Variants in NSD1 observed in about 807,000 individuals in gnomAD.
NSD1 encodes the protein nuclear receptor binding SET domain protein 1, also known as histone-lysine N-methyltransferase, H3 lysine-36 specific.
In NSD1, 26 loss-of-function variants were observed where a neutral mutation model predicts 242.7. The ratio of observed to expected loss-of-function variants is 0.11; its 90% CI spans 0.08 to 0.15. The LOEUF (loss-of-function observed/expected upper bound fraction) is 0.15, where lower values mean the gene tolerates loss of function less well. Among genes scored for constraint, NSD1 ranks in the 10% least tolerant of loss-of-function variants. NSD1 has a pLI of 1.00. For missense variants in NSD1, 2,495 were observed against 3,272.8 expected (o/e 0.76, Z 5.80); for synonymous variants, 1,106 against 1,178.1 (o/e 0.94, Z 1.25).
At chr5:177,259,929 T>G in intron 13 of NSD1, 60 bp from the exon 14 acceptor site, 3 of 1,566,408 alleles carry the variant, frequency 1.9e-6, no homozygotes, top group African/African-American at 1.4e-5. Flanking sequence ...ATAACTCACA[T>G]TCTTTTTATA....
At chr5:177,252,157 C>T (rs1052067370) in intron 12 of NSD1, among the ~76,000 whole-genome samples, 1 of 151,968 alleles carries the variant, frequency 6.6e-6, no homozygotes, top group African/African-American at 2.4e-5. Context: ...AAATTGATGT[C>T]GGGAGGGGAA....
chr5:177,135,594 T>C lies in NSD1; in HGVS notation c.491T>C (p.Val164Ala). ...TTTACTTGTGTGGACGATGCAGATG[T>C]AGATTCTGAAATGGACCCAGAACAG... is the stretch of plus-strand genomic sequence containing the variant. ...ENFTCVDDAD[V>A]DSEMDPEQPV... Residue 164 changes from valine (V) to alanine (A), a missense_variant, in exon 2 of 23, where the codon GTA (valine) becomes GCA (alanine). Coordinates refer to ENST00000439151, the MANE Select transcript of NSD1 (RefSeq NM_022455.5). 1 of 1,614,212 alleles carries C rather than the reference T, an allele frequency of 6.2e-7. No individual in the cohort carries two copies. Among genetic ancestry groups the C allele is most frequent in the African/African-American group, 1.3e-5 (1 of 75,058 alleles).
At chr5:177,286,727 A>G (rs1463541012) in intron 20 of NSD1, among the ~76,000 whole-genome samples, 3 of 152,188 alleles carry the variant, frequency 2.0e-5, no homozygotes, top group Non-Finnish European at 2.9e-5. Flanking sequence ...TAGTTCTACT[A>G]TGTCTGCTGA....
chr5:177,279,961 ATATTTTATTTTATTTTATTT>A (rs571980602), intron 17 of NSD1, among the ~76,000 whole-genome samples: 2,629 of 140,054 alleles, frequency 0.019, 32 homozygotes, highest in Non-Finnish European at 0.028. Context: ...TTTAAAGTTC[ATATTTTATTTTATTTTATTT>A]TATTTTATTT....
intron 4 of NSD1, among the ~76,000 whole-genome samples, chr5:177,207,343 T>C (rs1762957201): frequency 6.6e-6 from 1 of 151,084 alleles, no homozygotes; most frequent in Non-Finnish European, 1.5e-5. Context: ...AGTGCAGTGG[T>C]GCGATGTCAG....
intron 2 of NSD1, among the ~76,000 whole-genome samples, chr5:177,182,627 T>A (rs929198981): frequency 2.5e-4 from 38 of 152,114 alleles, no homozygotes; most frequent in African/African-American, 7.0e-4. Context: ...CCCCGCTTTT[T>A]AAAATTTTTA....
intron 20 of NSD1, among the ~76,000 whole-genome samples, chr5:177,286,028 T>A (rs151330608): frequency 6.6e-6 from 1 of 152,272 alleles, no homozygotes; most frequent in Admixed American, 6.5e-5. Context: ...CCTAAGCAGC[T>A]GGGATTACAG....
At chr5:177,279,203 C>T (rs528231937) in intron 17 of NSD1, among the ~76,000 whole-genome samples, 1 of 152,266 alleles carries the variant, frequency 6.6e-6, no homozygotes, top group East Asian at 1.9e-4. Context: ...GTGCTTTTGC[C>T]AGGTGTGGTG....
Position 177,211,198 on chromosome 5 carries a change from G to A in NSD1, c.2799G>A (p.Leu933=). The change falls in exon 5 of 23, where the codon CTG becomes CTA. Residue 933 remains leucine (L), a synonymous_variant. Transcript: ENST00000439151. The part of the protein sequence containing the change: ...KEQRLMTAQN[L]VSYRSPGRGD... ...AGCGGTTGATGACTGCTCAAAACCT[G>A]GTCTCTTACCGGAGTCCTGGTCGTG... is the stretch of plus-strand genomic sequence containing the variant. 6.2e-7 allele frequency: 1 copy of A among 1,613,870 alleles called. No homozygotes were observed. Among genetic ancestry groups the A allele is most frequent in the Non-Finnish European group, 8.5e-7 (1 of 1,179,898 alleles).
At chr5:177,137,950 C>G (rs1419026919) in intron 2 of NSD1, among the ~76,000 whole-genome samples, 2 of 151,828 alleles carry the variant, frequency 1.3e-5, no homozygotes, top group African/African-American at 4.8e-5. Context: ...TGGTGGGCAA[C>G]TGTAATCCCA....
At chr5:177,265,395 G>C in intron 14 of NSD1, 1 of 600,968 alleles carries the variant, frequency 1.7e-6, no homozygotes, top group East Asian at 2.8e-5. Flanking sequence ...CATAAATGCA[G>C]CCATCTAAAA....
rs1384016069 is a variant in NSD1, at chr5:177,295,128, A to T, written c.7760A>T (p.Gln2587Leu). 1 of 1,613,370 alleles carries T rather than the reference A, an allele frequency of 6.2e-7. No homozygotes were observed. Among genetic ancestry groups the T allele is most frequent in the African/African-American group, 1.3e-5 (1 of 74,894 alleles). Residue 2587 changes from glutamine to leucine, a missense_variant, in exon 23 of 23, where the codon CAG (glutamine) becomes CTG (leucine). By Grantham distance (113) the Gln-to-Leu change is moderately radical. This residue lies in a region of NSD1 where 475 missense variants were observed against 563.7 expected (regional missense o/e 0.84). Transcript: ENST00000439151. The surrounding 1 kb of genome is among the most constrained non-coding windows in gnomAD (Gnocchi z 4.3). ...VKQAKQMVGG[Q>L]QLPALAAKSG... ...CAGGCGAAGCAGATGGTCGGAGGCC[A>T]GCAACTACCTGCACTTGCCGCCAAG...
chr5:177,250,102 G>A (rs1221392587), intron 11 of NSD1, among the ~76,000 whole-genome samples: 1 of 152,144 alleles, frequency 6.6e-6, no homozygotes, highest in Non-Finnish European at 1.5e-5. Flanking sequence ...AATAGTAATA[G>A]ATAAATAAGT....
chr5:177,234,034 G>A (rs2149881342), intron 5 of NSD1, among the ~76,000 whole-genome samples: 1 of 152,296 alleles, frequency 6.6e-6, no homozygotes, highest in African/African-American at 2.4e-5. Flanking sequence ...AGGTACAGCT[G>A]TGCATGCCTG....
At chr5:177,275,751 C>T (rs1758333424) in intron 17 of NSD1, among the ~76,000 whole-genome samples, 1 of 151,796 alleles carries the variant, frequency 6.6e-6, no homozygotes, top group Non-Finnish European at 1.5e-5. Flanking sequence ...CTTATTATTT[C>T]TGTCTTCTTT....
Position 177,266,189 on chromosome 5 carries a change from G to A in NSD1, c.5147-1373G>A, listed in dbSNP as rs1331426357. On this transcript the variant is annotated intron_variant, in intron 14 of 22. Coordinates refer to ENST00000439151, the MANE Select transcript of NSD1 (RefSeq NM_022455.5). ...GTGTTGAGCATGGACTCGTAGAAGA[G>A]GCAGTTAGCCCATCCACTTGCTGAT... 1.2e-5 allele frequency: 13 copies of A among 1,040,730 alleles called. No homozygotes were observed. In the Admixed American group the frequency reaches 2.2e-4, roughly 18 times the overall value. The allele number at this position is 1,040,730 out of a possible 1,614,324, so 64.5% of individuals were successfully genotyped here. A position where few individuals can be genotyped will look rare whatever the true frequency, so the allele number is the denominator to read the frequency against.
chr5:177,251,839 A>G lies in NSD1; in HGVS notation c.4751A>G (p.Asn1584Ser), dbSNP rs1385691377. 5 of 1,614,130 alleles carry G rather than the reference A, an allele frequency of 3.1e-6. No homozygotes were observed. The highest frequency in any genetic ancestry group is 2.2e-5 in the East Asian group (1 of 44,898). The change falls in exon 12 of 23, where the codon AAT becomes AGT. Residue 1584 changes from asparagine to serine, a missense_variant. By Grantham distance (46) the Asn-to-Ser change is conservative. Around this residue, in one of 19 missense-constraint regions of NSD1, gnomAD observed 27 missense variants for 43.1 expected, o/e 0.63. Transcript: ENST00000439151. ...TEMPRGKFIC[N>S]ECRTGIHTCF... ...ATGCCAAGAGGAAAATTTATCTGCA[A>G]TGAATGTCGCACAGGTAAAGTAGAT...
intron 11 of NSD1, among the ~76,000 whole-genome samples, chr5:177,251,114 C>T (rs1485606817): frequency 1.3e-5 from 2 of 151,536 alleles, no homozygotes; most frequent in East Asian, 1.9e-4. Context: ...CACTTGAACC[C>T]GGGTGGCAGA....
At chr5:177,221,503 G>T (rs1447913427) in intron 5 of NSD1, among the ~76,000 whole-genome samples, 2 of 151,434 alleles carry the variant, frequency 1.3e-5, no homozygotes, top group African/African-American at 4.9e-5. Flanking sequence ...GCGGAGTCTT[G>T]CTCTGTTGCC....
Sources: gnomAD v4.1 joint callset for allele counts (sites outside exome capture counted in the v4.1 genomes callset) on GRCh38, gnomAD v4.1.1 for gene constraint, gnomAD v4.1.1 regional missense constraint, Gnocchi (gnomAD v3.1) non-coding constraint, MANE v1.5 for transcripts, NCBI Gene and HGNC (gene_info 2026-07-23, HGNC 2026-07-21) for gene names.